Variants in KLF8 observed in about 807,000 individuals in gnomAD.
KLF8 encodes Krueppel-like factor 8.
In KLF8, 10 loss-of-function variants were observed where a neutral mutation model predicts 18.2. The observed-to-expected ratio is 0.55, with a 90% confidence interval of 0.34 to 0.93. The LOEUF (loss-of-function observed/expected upper bound fraction) is 0.93. Among genes scored for constraint, KLF8 ranks in the 40% least tolerant of loss-of-function variants. KLF8 has a pLI of 0.02. For missense variants in KLF8, 264 were observed against 277.9 expected, an observed-to-expected ratio of 0.95 and a Z score of 0.36; for synonymous variants, 109 against 97.3, an observed-to-expected ratio of 1.12 and a Z score of -0.71.
the KLF8 span, among the ~76,000 whole-genome samples, chrX:56,001,496 C>T: frequency 8.9e-6 from 1 of 112,127 alleles, no homozygotes; most frequent in African/African-American, 3.2e-5. Flanking sequence ...TCTTCAATTT[C>T]TCTATCTGTA....
the KLF8 span, among the ~76,000 whole-genome samples, chrX:56,115,924 A>G: frequency 8.9e-6 from 1 of 112,476 alleles, no homozygotes; most frequent in African/African-American, 3.2e-5. Flanking sequence ...GTTAGGCTTC[A>G]AGCATCTATC....
chrX:55,952,027 C>T, the KLF8 span, among the ~76,000 whole-genome samples: 1 of 112,156 alleles, frequency 8.9e-6, no homozygotes, highest in African/African-American at 3.2e-5. Flanking sequence ...TTAGTCCATC[C>T]ATTTATATCA....
At chrX:55,981,061 C>A in the KLF8 span, among the ~76,000 whole-genome samples, 6 of 111,532 alleles carry the variant, frequency 5.4e-5, no homozygotes, top group African/African-American at 2.0e-4. Context: ...GGCTTGGTGG[C>A]GTGTGCCTAT....
the KLF8 span, among the ~76,000 whole-genome samples, chrX:56,082,411 G>A: frequency 9.2e-6 from 1 of 108,178 alleles, no homozygotes; most frequent in South Asian, 4.0e-4. Context: ...TCAACTATTG[G>A]TTTTGTTTAC....
chrX:55,984,010 T>C, the KLF8 span, among the ~76,000 whole-genome samples: 8 of 108,676 alleles, frequency 7.4e-5, no homozygotes, highest in African/African-American at 2.3e-4. Context: ...TATATAATGA[T>C]ATATATATAT....
Position 56,233,104 on chromosome X carries a change from C to T in KLF8, c.-231C>T. The stretch of plus-strand genomic sequence containing the variant: ...TTGTTTCCCTTGTTCCGAGAGTGGC[C>T]CAGCTGGGTCTGAATCGACTCCCTC... On this transcript the variant is annotated 5_prime_UTR_variant, in exon 1 of 6. Coordinates refer to ENST00000468660, the MANE Select transcript of KLF8 (RefSeq NM_007250.5). The T allele has an allele frequency of 7.3e-6, 3 of 413,001 alleles. No individual in the cohort carries two copies. In the East Asian group the frequency reaches 1.1e-4, roughly 16 times the overall value. 34.0% of individuals were successfully genotyped at this position (413,001 alleles called of 1,213,427 possible).
At chrX:55,932,539 C>G in the KLF8 span, among the ~76,000 whole-genome samples, 2 of 111,834 alleles carry the variant, frequency 1.8e-5, no homozygotes, top group Admixed American at 1.9e-4. Flanking sequence ...GTGCTTCCTT[C>G]AGAGCTCTTG....
At chrX:56,233,645 T>A (rs781698687) in intron 1 of KLF8, among the ~76,000 whole-genome samples, 1 of 111,675 alleles carries the variant, frequency 9.0e-6, no homozygotes, top group Non-Finnish European at 1.9e-5. Context: ...CCAATACTCC[T>A]TAAGCGGTAA....
chrX:56,149,905 T>A, the KLF8 span, among the ~76,000 whole-genome samples: 2 of 110,790 alleles, frequency 1.8e-5, no homozygotes, highest in African/African-American at 6.6e-5. Context: ...TAGAGAAGCC[T>A]TTGCTTTTTT....
the KLF8 span, among the ~76,000 whole-genome samples, chrX:56,192,615 CA>C: frequency 9.0e-6 from 1 of 111,715 alleles, no homozygotes; most frequent in Non-Finnish European, 1.9e-5. Context: ...CAGGAAAAGA[CA>C]CATAGACCGG....
At chrX:56,193,015 C>A in the KLF8 span, among the ~76,000 whole-genome samples, 1 of 112,291 alleles carries the variant, frequency 8.9e-6, no homozygotes, top group Non-Finnish European at 1.9e-5. Context: ...AGAATACAAT[C>A]AACAAAGTGA....
chrX:55,942,300 A>G, the KLF8 span, among the ~76,000 whole-genome samples: 1 of 108,992 alleles, frequency 9.2e-6, no homozygotes, highest in Non-Finnish European at 1.9e-5. Context: ...TCTTACTCAT[A>G]GGTGGGAATT....
intron 3 of KLF8, chrX:56,265,974 T>C (rs1179653272): frequency 5.4e-6 from 5 of 925,513 alleles, no homozygotes; most frequent in African/African-American, 2.0e-5. Context: ...ATCAGTGACA[T>C]ATCAAACAAC....
intron 5 of KLF8, among the ~76,000 whole-genome samples, chrX:56,281,067 G>T (rs1454904369): frequency 8.9e-6 from 1 of 111,775 alleles, no homozygotes; most frequent in African/African-American, 3.3e-5. Context: ...GTTCTCTATT[G>T]TCAATGCATC....
the KLF8 span, among the ~76,000 whole-genome samples, chrX:56,079,975 G>T: frequency 1.8e-5 from 2 of 110,709 alleles, no homozygotes; most frequent in African/African-American, 6.6e-5. Flanking sequence ...TGCAACCCCT[G>T]CCTTTTTTTG....
At chrX:56,073,890 C>G in the KLF8 span, among the ~76,000 whole-genome samples, 1 of 110,900 alleles carries the variant, frequency 9.0e-6, no homozygotes, top group Admixed American at 9.6e-5. Context: ...GGACTATAGG[C>G]GTGCGCCACT....
the KLF8 span, among the ~76,000 whole-genome samples, chrX:56,002,402 A>T: frequency 0.012 from 1,072 of 90,750 alleles, 12 homozygotes; most frequent in African/African-American, 0.043. Flanking sequence ...AATTGTAATT[A>T]ATCAATTTGT....
At chrX:56,136,026 A>C in the KLF8 span, among the ~76,000 whole-genome samples, 1 of 111,619 alleles carries the variant, frequency 9.0e-6, no homozygotes, top group South Asian at 3.7e-4. Context: ...TAAAATACCT[A>C]GGAATCCAAC....
At chrX:56,231,848 G>A (rs2066405468), upstream of KLF8, among the ~76,000 whole-genome samples, 1 of 110,743 alleles carries the variant, frequency 9.0e-6, no homozygotes, top group Non-Finnish European at 1.9e-5. Flanking sequence ...GCTGGGCCAC[G>A]CTGTATTCAC....
Sources: allele counts gnomAD v4.1 joint callset (sites outside exome capture counted in the v4.1 genomes callset), GRCh38; gene constraint gnomAD v4.1.1; transcripts MANE v1.5; gene names NCBI Gene and HGNC (gene_info 2026-07-23, HGNC 2026-07-21).